The following BTAF1 variants were observed in gnomAD, a reference collection of about 807,000 sequenced individuals.
BTAF1 encodes the protein TATA-binding protein-associated factor 172.
BTAF1 carries 38 observed loss-of-function variants against 227.1 expected under a neutral mutation model. That is an observed-to-expected ratio of 0.17 (90% CI 0.13 to 0.22). The LOEUF is 0.22. BTAF1 is among the 10% of genes least tolerant of loss of function. The pLI, the probability that BTAF1 is intolerant of heterozygous loss-of-function variation, is 1.00. For synonymous variants in BTAF1, 742 were observed against 751.9 expected (o/e 0.99, Z 0.21); for missense variants, 1,598 against 2,204.0 (o/e 0.73, Z 5.51).
intron 4 of BTAF1, among the ~76,000 whole-genome samples, chr10:91,950,457 A>G (rs1452722904): frequency 1.3e-5 from 2 of 151,946 alleles, no homozygotes; most frequent in Non-Finnish European, 2.9e-5. Context: ...TATTAGAAGC[A>G]GATCGTTATT....
At position 92,001,968 on chromosome 10, in the gene BTAF1, CCA is replaced by C. The variant is rs1491387780; in HGVS notation, c.3660+4218_3660+4219del. ...TCTCAAAAAAAAAAAAAAAAAAAAA[CCA>C]TATATATATATATATACACACACAC... is the stretch of plus-strand genomic sequence containing the variant. On this transcript the variant is annotated intron_variant, in intron 25 of 37. Coordinates refer to ENST00000265990, the MANE Select transcript of BTAF1 (RefSeq NM_003972.3). Among the ~76,000 whole-genome samples, 23 of 37,248 alleles carry C rather than the reference CCA, an allele frequency of 6.2e-4. 1 individual carries two copies. The highest frequency in any genetic ancestry group is 1.4e-3 in the African/African-American group (22 of 15,544). 24.4% of individuals were successfully genotyped at this position (37,248 alleles called of 152,430 possible). A position where few individuals can be genotyped will look rare whatever the true frequency, so the allele number is the denominator to read the frequency against.
rs73314308 is a variant in BTAF1 at position 92,006,090 on chromosome 10, G to T, written c.3661-2033G>T. On this transcript the variant is annotated intron_variant, in intron 25 of 37. Coordinates refer to ENST00000265990, the MANE Select transcript of BTAF1 (RefSeq NM_003972.3). ...GGGTCTTGCTATGTTACCCAGGCTGGTCTCAAACTCCTGGGCTCAATCCTC... is the reference window on the plus strand; with the variant it reads ...GGGTCTTGCTATGTTACCCAGGCTGTTCTCAAACTCCTGGGCTCAATCCTC... 4.3e-3 allele frequency among the ~76,000 whole-genome samples: 649 copies of T among 152,056 alleles called. 6 individuals are homozygous for T. Among genetic ancestry groups the T allele is most frequent in the African/African-American group, 0.014 (599 of 41,480 alleles).
At chr10:92,012,696 G>A (rs191600811) in intron 30 of BTAF1, among the ~76,000 whole-genome samples, 6 of 146,076 alleles carry the variant, frequency 4.1e-5, no homozygotes, top group South Asian at 2.2e-4. Flanking sequence ...ACTTGAACCC[G>A]TGAGGTGGAG....
chr10:91,924,058 G>C lies in BTAF1; in HGVS notation c.-19G>C. On this transcript the variant is annotated 5_prime_UTR_variant, in exon 1 of 38. Transcript: ENST00000265990. ...CGGCGCGTAGGTCGCGGGGAGCTCC[G>C]AACCGCCGGCGCCCGGCCATGGCGG... The C allele has an allele frequency of 6.2e-7, 1 of 1,607,202 alleles. No homozygotes were observed. Among genetic ancestry groups the C allele is most frequent in the Non-Finnish European group, 8.5e-7 (1 of 1,177,996 alleles).
At chr10:92,002,638 T>G (rs564494384) in intron 25 of BTAF1, among the ~76,000 whole-genome samples, 2 of 152,318 alleles carry the variant, frequency 1.3e-5, no homozygotes, top group South Asian at 4.1e-4. Context: ...ATGTTAGTTT[T>G]TCTCTTAGCA....
chr10:92,011,475 G>GT (rs1343139178), intron 30 of BTAF1, 60 bp downstream of exon 30: 1 of 805,308 alleles, frequency 1.2e-6, no homozygotes, highest in African/African-American at 1.8e-5. Flanking sequence ...TGTTTGCCAG[G>GT]TGGAGGGTAG....
chr10:91,929,802 G>T (rs1405491512), intron 1 of BTAF1, among the ~76,000 whole-genome samples: 5 of 145,316 alleles, frequency 3.4e-5, no homozygotes, highest in Non-Finnish European at 6.3e-5. Context: ...CATTCCTCCC[G>T]CATTGGCCTC....
In BTAF1 at chr10:91,981,702, A is replaced by T; in HGVS notation, c.1815A>T (p.Pro605=). ...AGTATGTGGTAGCAGCTGCTTGCCC[A>T]TGGATGGGTGCTTGGCTTTGCTTGA... ...SVQYVVAAAC[P]WMGAWLCLMM... The change falls in exon 16 of 38, where the codon CCA becomes CCT. Residue 605 remains proline, a synonymous_variant. Coordinates refer to ENST00000265990, the MANE Select transcript of BTAF1 (RefSeq NM_003972.3). 1.9e-6 allele frequency: 3 copies of T among 1,613,876 alleles called. No individual in the cohort carries two copies. Among genetic ancestry groups the T allele is most frequent in the Non-Finnish European group, 2.5e-6 (3 of 1,179,854 alleles).
intron 18 of BTAF1, among the ~76,000 whole-genome samples, chr10:91,983,978 A>G (rs1848233056): frequency 6.6e-6 from 1 of 151,970 alleles, no homozygotes; most frequent in Admixed American, 6.6e-5. Flanking sequence ...TGAAGTTGTA[A>G]TAGTTCTGTG....
chr10:92,011,412 C>T lies in BTAF1; in HGVS notation c.4308C>T (p.Ile1436=). The part of the protein sequence containing the change: ...NYRIILSGTP[I]QNNVLELWSL... Reference sequence around the variant, plus strand: ...GGATTATTCTTTCTGGAACACCAATCCAGGTAATTATTTATTATTATTTTT... The same window carrying T: ...GGATTATTCTTTCTGGAACACCAATTCAGGTAATTATTTATTATTATTTTT... Residue 1436 remains isoleucine, a synonymous_variant, in exon 30 of 38, where the codon ATC becomes ATT. Transcript: ENST00000265990. 7.6e-7 allele frequency: 1 copy of T among 1,318,982 alleles called. No homozygotes were observed. The highest frequency in any genetic ancestry group is 1.0e-6 in the Non-Finnish European group (1 of 1,003,804). 81.7% of individuals were successfully genotyped at this position (1,318,982 alleles called of 1,614,324 possible).
chr10:91,959,888 T>A lies in BTAF1; in HGVS notation c.1086+8T>A. ...GACTTTGTTTCTGATGAAGTAAGTATCATTTAAGGGAGGCTTTGCCCAATC... is the reference window on the plus strand; with the variant it reads ...GACTTTGTTTCTGATGAAGTAAGTAACATTTAAGGGAGGCTTTGCCCAATC... On this transcript the variant is annotated splice_region_variant and intron_variant, in intron 10 of 37. Transcript: ENST00000265990. 1 of 1,604,430 alleles carries A rather than the reference T, an allele frequency of 6.2e-7. No individual in the cohort carries two copies. Among genetic ancestry groups the A allele is most frequent in the Non-Finnish European group, 8.5e-7 (1 of 1,177,078 alleles).
chr10:91,966,446 G>A (rs139519908), intron 13 of BTAF1, among the ~76,000 whole-genome samples, 191 bp from the exon 14 acceptor site: 66 of 152,148 alleles, frequency 4.3e-4, no homozygotes, highest in African/African-American at 1.5e-3. Flanking sequence ...CTCTTCTGTT[G>A]CTACGATAAC....
intron 11 of BTAF1, 24 bp from the exon 12 acceptor site, chr10:91,962,514 T>A: frequency 2.1e-6 from 3 of 1,459,396 alleles, no homozygotes; most frequent in Non-Finnish European, 1.9e-6. Flanking sequence ...GAAAATTAAT[T>A]TATTTTCATG....
rs1589825344 is a variant in BTAF1 at position 91,964,657 on chromosome 10, A to G, written c.1529+456A>G. ...TTGTTCTTGATTTCAGTAATTACTT[A>G]TCATGAAGGAAATACATAATAATGT... On this transcript the variant is annotated intron_variant, in intron 13 of 37. Coordinates refer to ENST00000265990, the MANE Select transcript of BTAF1 (RefSeq NM_003972.3). Among the ~76,000 whole-genome samples, 6 of 152,212 alleles carry G rather than the reference A, an allele frequency of 3.9e-5. No homozygotes were observed. In the Middle Eastern group the frequency reaches 0.017, roughly 431 times the overall value.
chr10:92,014,942 A>G (rs1850608142), intron 32 of BTAF1, among the ~76,000 whole-genome samples: 1 of 152,212 alleles, frequency 6.6e-6, no homozygotes, highest in Non-Finnish European at 1.5e-5. Context: ...ATATCTAAGC[A>G]TAGAAAAGGT....
chr10:91,937,262 G>C (rs1347254990), intron 2 of BTAF1, among the ~76,000 whole-genome samples: 3 of 151,836 alleles, frequency 2.0e-5, no homozygotes, highest in Non-Finnish European at 4.4e-5. Flanking sequence ...CAAAGTGCTG[G>C]GATTGCAGGC....
At chr10:91,929,611 C>T (rs556044589) in intron 1 of BTAF1, among the ~76,000 whole-genome samples, 6 of 152,144 alleles carry the variant, frequency 3.9e-5, no homozygotes, top group Non-Finnish European at 7.3e-5. Flanking sequence ...ATGTAGGGGA[C>T]GTTCAGTGGG....
intron 1 of BTAF1, among the ~76,000 whole-genome samples, chr10:91,926,427 CTT>C: frequency 6.6e-6 from 1 of 152,264 alleles, no homozygotes; most frequent in Admixed American, 6.5e-5. Flanking sequence ...TGTTCTTTGA[CTT>C]CCCTTTTCCT....
chr10:91,968,190 TC>T (rs1847060679), intron 14 of BTAF1, among the ~76,000 whole-genome samples: 2 of 152,166 alleles, frequency 1.3e-5, no homozygotes, highest in Admixed American at 1.3e-4. Context: ...TCCCCTGTGT[TC>T]CACCTATTCA....
Sources: allele counts gnomAD v4.1 joint callset (sites outside exome capture counted in the v4.1 genomes callset), GRCh38; gene constraint gnomAD v4.1.1; transcripts MANE v1.5; gene names NCBI Gene and HGNC (gene_info 2026-07-23, HGNC 2026-07-21).